Variants in PDE4D observed in about 807,000 individuals in gnomAD.
PDE4D encodes the protein 3',5'-cyclic-AMP phosphodiesterase 4D.
PDE4D carries 24 observed loss-of-function variants against 87.4 expected under a neutral mutation model. The observed-to-expected ratio is 0.27, with a 90% confidence interval of 0.20 to 0.39. The LOEUF is 0.39. Among genes scored for constraint, PDE4D ranks in the 10% least tolerant of loss-of-function variants. PDE4D has a pLI of 1.00. For synonymous variants in PDE4D, 384 were observed against 383.2 expected (o/e 1.00, Z -0.02); for missense variants, 714 against 1,041.0 (o/e 0.69, Z 4.32).
chr5:60,138,377 G>T (rs1290614901), intron 2 of PDE4D, among the ~76,000 whole-genome samples: 2 of 152,112 alleles, frequency 1.3e-5, no homozygotes, highest in African/African-American at 4.8e-5. Flanking sequence ...CAATGCTTTG[G>T]AGTAGGTTTA....
intron 2 of PDE4D, among the ~76,000 whole-genome samples, chr5:60,081,241 AT>A (rs1773902260): frequency 6.7e-6 from 1 of 148,716 alleles, no homozygotes; most frequent in East Asian, 2.0e-4. Flanking sequence ...CCCTTTTATC[AT>A]TTTTTATTGC....
intron 2 of PDE4D, among the ~76,000 whole-genome samples, chr5:60,103,684 A>G (rs908307085): frequency 3.3e-5 from 5 of 152,240 alleles, no homozygotes; most frequent in South Asian, 2.1e-4. Flanking sequence ...TTTACTTAAG[A>G]GCAAGCTTTA....
At chr5:59,411,023 C>T (rs1198649738) in intron 1 of PDE4D, among the ~76,000 whole-genome samples, 2 of 152,124 alleles carry the variant, frequency 1.3e-5, no homozygotes, top group African/African-American at 2.4e-5. Context: ...ATTTTTATAG[C>T]ATAAATTTCC....
intron 3 of PDE4D, among the ~76,000 whole-genome samples, chr5:59,939,766 G>GT (rs1170809716): frequency 6.6e-6 from 1 of 152,150 alleles, no homozygotes; most frequent in Non-Finnish European, 1.5e-5. Flanking sequence ...GTACCTAACT[G>GT]TAGAGGACCT....
chr5:59,039,253 G>A (rs1759165158), intron 5 of PDE4D: 2 of 1,210,052 alleles, frequency 1.7e-6, no homozygotes, highest in Non-Finnish European at 1.0e-6. Flanking sequence ...TTCACACAGC[G>A]ACGCGAGCGG....
At chr5:59,424,070 T>C (rs1005359765) in intron 1 of PDE4D, among the ~76,000 whole-genome samples, 1 of 151,928 alleles carries the variant, frequency 6.6e-6, no homozygotes, top group Non-Finnish European at 1.5e-5. Context: ...GGTAGAGTGG[T>C]TAGGCTGAGG....
At chr5:60,462,814 G>A (rs1175214719) in intron 1 of PDE4D, among the ~76,000 whole-genome samples, 1 of 152,150 alleles carries the variant, frequency 6.6e-6, no homozygotes, top group East Asian at 1.9e-4. Context: ...CCCTCATTGG[G>A]TTCTTTTCCT....
chr5:60,215,063 G>A (rs1256906074), intron 1 of PDE4D, among the ~76,000 whole-genome samples: 1 of 152,094 alleles, frequency 6.6e-6, no homozygotes, highest in Non-Finnish European at 1.5e-5. Flanking sequence ...TTATGAGGTA[G>A]GCTAACTGAA....
At chr5:60,403,606 A>G (rs1165081458) in intron 1 of PDE4D, among the ~76,000 whole-genome samples, 1 of 152,234 alleles carries the variant, frequency 6.6e-6, no homozygotes, top group Middle Eastern at 3.2e-3. Flanking sequence ...CAACAATCAC[A>G]TGAAGCAGGT....
intron 5 of PDE4D, among the ~76,000 whole-genome samples, chr5:59,063,953 G>A (rs1248299328): frequency 6.6e-6 from 1 of 152,010 alleles, no homozygotes; most frequent in East Asian, 1.9e-4. Context: ...GCAGTGAGGG[G>A]CTAAGAACCT....
intron 1 of PDE4D, among the ~76,000 whole-genome samples, chr5:59,763,336 A>T (rs974396278): frequency 1.3e-5 from 2 of 151,934 alleles, no homozygotes; most frequent in Non-Finnish European, 2.9e-5. Flanking sequence ...ATAATAAAAT[A>T]AAAAATAAAA....
rs144999683 is a variant in PDE4D, at chr5:59,359,535, A to G, written c.456-143567T>C. On this transcript the variant is annotated intron_variant, in intron 1 of 14. Coordinates refer to ENST00000340635, the MANE Select transcript of PDE4D (RefSeq NM_001104631.2). ...GCAAAATTAAGCCTTGATTTCAAATAGAAATATCAATATTGTTTTTGAAGA... is the reference window on the plus strand; with the variant it reads ...GCAAAATTAAGCCTTGATTTCAAATGGAAATATCAATATTGTTTTTGAAGA... 2.1e-4 allele frequency among the ~76,000 whole-genome samples: 32 copies of G among 152,310 alleles called. 2 individuals are homozygous for G. The East Asian group carries it at 4.8e-3, about 23-fold the overall frequency.
At chr5:60,185,346 T>C (rs1784698406) in intron 2 of PDE4D, among the ~76,000 whole-genome samples, 1 of 152,146 alleles carries the variant, frequency 6.6e-6, no homozygotes, top group Non-Finnish European at 1.5e-5. Context: ...AGATATAAAC[T>C]AGCTGAAAGA....
intron 1 of PDE4D, among the ~76,000 whole-genome samples, chr5:59,520,878 TACATATATAC>T (rs145616207): frequency 0.13 from 20,124 of 151,626 alleles, 2,526 homozygotes; most frequent in African/African-American, 0.33. Context: ...CACACACATA[TACATATATAC>T]ACATATATAC....
At chr5:59,533,996 C>T (rs1395541242) in intron 1 of PDE4D, among the ~76,000 whole-genome samples, 1 of 152,100 alleles carries the variant, frequency 6.6e-6, no homozygotes, top group Non-Finnish European at 1.5e-5. Flanking sequence ...GCTGAAAAAG[C>T]CTCTGCTGCA....
chr5:60,337,386 T>TACACACACACACACACACACAC (rs1370710315), intron 1 of PDE4D, among the ~76,000 whole-genome samples: 1 of 92,126 alleles, frequency 1.1e-5, no homozygotes, highest in African/African-American at 3.9e-5. Context: ...TATATATATA[T>TACACACACACACACACACACAC]ATACACACAC....
intron 5 of PDE4D, among the ~76,000 whole-genome samples, chr5:59,176,117 T>C (rs1783844655): frequency 6.6e-6 from 1 of 152,226 alleles, no homozygotes; most frequent in East Asian, 1.9e-4. Flanking sequence ...TTAAGTCTCT[T>C]TTATAAATGC....
intron 1 of PDE4D, among the ~76,000 whole-genome samples, chr5:60,353,019 A>G (rs2149931515): frequency 6.6e-6 from 1 of 152,294 alleles, no homozygotes; most frequent in Admixed American, 6.5e-5. Flanking sequence ...TAAGAAGAAA[A>G]ACATTTAAGA....
chr5:59,400,296 C>T (rs1037355982), intron 1 of PDE4D, among the ~76,000 whole-genome samples: 2 of 102,824 alleles, frequency 1.9e-5, no homozygotes, highest in East Asian at 2.9e-4. Flanking sequence ...ATGTTTATTG[C>T]GGCATTATTC....
Sources: gnomAD v4.1 joint callset for allele counts (sites outside exome capture counted in the v4.1 genomes callset) on GRCh38, gnomAD v4.1.1 for gene constraint, MANE v1.5 for transcripts, NCBI Gene and HGNC (gene_info 2026-07-23, HGNC 2026-07-21) for gene names.